Variants in AXL observed in about 807,000 individuals in gnomAD.
AXL encodes the protein AXL receptor tyrosine kinase, also known as tyrosine-protein kinase receptor UFO.
In AXL, 52 loss-of-function variants were observed where a neutral mutation model predicts 104.5. That is an observed-to-expected ratio of 0.50 (90% confidence interval 0.40 to 0.63). AXL has a LOEUF of 0.63. AXL is among the 20% of genes least tolerant of loss of function. The pLI is 0.00. For synonymous variants in AXL, 455 were observed against 473.7 expected (o/e 0.96, Z 0.51); for missense variants, 1,024 against 1,188.5 (o/e 0.86, Z 2.04).
At chr19:41,251,638 G>T (rs1801668953) in intron 14 of AXL, among the ~76,000 whole-genome samples, 1 of 151,546 alleles carries the variant, frequency 6.6e-6, no homozygotes, top group South Asian at 2.1e-4. Flanking sequence ...AAGCCTAGGA[G>T]TTCGAGCCTA....
intron 8 of AXL, 23 bp from the exon 9 acceptor site, chr19:41,239,141 G>A (rs760079830): frequency 1.9e-6 from 3 of 1,612,600 alleles, no homozygotes; most frequent in Non-Finnish European, 2.5e-6. Context: ...GTTCTACCCT[G>A]ATGCCACTTC....
chr19:41,230,938 T>C, intron 4 of AXL, 29 bp from the exon 5 acceptor site: 7 of 1,609,076 alleles, frequency 4.4e-6, no homozygotes, highest in African/African-American at 1.3e-5. Flanking sequence ...CTCTCTGATA[T>C]TGGACCCTTC....
At chr19:41,220,032 T>C (rs1453944967) in intron 1 of AXL, among the ~76,000 whole-genome samples, 1 of 151,954 alleles carries the variant, frequency 6.6e-6, no homozygotes, top group African/African-American at 2.4e-5. Flanking sequence ...TCTCTCTCTT[T>C]CACAGTCTCT....
At chr19:41,255,202 T>C (rs951078491) in intron 17 of AXL, among the ~76,000 whole-genome samples, 2 of 152,218 alleles carry the variant, frequency 1.3e-5, no homozygotes, top group African/African-American at 4.8e-5. Context: ...ATGATGTTTT[T>C]GAGATGGATC....
intron 1 of AXL, 132 bp from the exon 2 acceptor site, chr19:41,220,504 C>A (rs1186093706): frequency 4.1e-6 from 3 of 724,100 alleles, no homozygotes; most frequent in Admixed American, 5.8e-5. Context: ...ACTCTGAGGT[C>A]ACTCTGCAAC....
At chr19:41,227,536 A>C (rs1053855720) in intron 4 of AXL, among the ~76,000 whole-genome samples, 3 of 143,684 alleles carry the variant, frequency 2.1e-5, no homozygotes, top group Non-Finnish European at 4.5e-5. Flanking sequence ...CCCAGGCTGG[A>C]GTGCAGTGTG....
intron 6 of AXL, among the ~76,000 whole-genome samples, chr19:41,233,704 GC>G (rs560555253): frequency 4.1e-5 from 6 of 147,220 alleles, no homozygotes; most frequent in Admixed American, 6.7e-5. Context: ...CCAGAGAGGG[GC>G]CCCCTCTCTG....
At chr19:41,235,422 A>G (rs1014525575) in intron 6 of AXL, among the ~76,000 whole-genome samples, 2 of 151,538 alleles carry the variant, frequency 1.3e-5, no homozygotes, top group African/African-American at 4.8e-5. Flanking sequence ...AATAAATGAC[A>G]GTATGCACAA....
chr19:41,235,745 T>C (rs2034068407), intron 6 of AXL, among the ~76,000 whole-genome samples: 2 of 152,342 alleles, frequency 1.3e-5, no homozygotes, highest in South Asian at 2.1e-4. Context: ...ATTCCGTCTC[T>C]CTGGGCCTCA....
At chr19:41,248,462 C>T in intron 12 of AXL, 52 bp from the exon 13 acceptor site, 2 of 1,559,576 alleles carry the variant, frequency 1.3e-6, no homozygotes, top group Admixed American at 3.3e-5. Flanking sequence ...GTGAATGTCA[C>T]CTGAATGTCA....
intron 6 of AXL, among the ~76,000 whole-genome samples, chr19:41,235,604 C>T (rs1162690614): frequency 6.6e-6 from 1 of 152,138 alleles, no homozygotes; most frequent in Non-Finnish European, 1.5e-5. Flanking sequence ...GCTAAACTGC[C>T]TCTGTGCACA....
At chr19:41,245,713 CAAAAAAAA>C (rs371879527) in intron 12 of AXL, among the ~76,000 whole-genome samples, 2 of 62,932 alleles carry the variant, frequency 3.2e-5, no homozygotes, top group African/African-American at 1.1e-4. Flanking sequence ...GACACCGTCT[CAAAAAAAA>C]AAAAAAAAAA....
At chr19:41,258,477 A>G (rs1385359904) in intron 19 of AXL, among the ~76,000 whole-genome samples, 1 of 152,176 alleles carries the variant, frequency 6.6e-6, no homozygotes, top group Non-Finnish European at 1.5e-5. Context: ...CTGGAGCACA[A>G]TGGCTCCATC....
Position 41,237,825 on chromosome 19 carries a change from AAC to A in AXL, c.784-112_784-111del. 3.3e-6 allele frequency: 3 copies of A among 914,306 alleles called. No individual in the cohort carries two copies. The South Asian group carries it at 4.2e-5, about 13-fold the overall frequency. 56.6% of individuals were successfully genotyped at this position (914,306 alleles called of 1,614,324 possible). On this transcript the variant is annotated intron_variant, in intron 6 of 19. Transcript: ENST00000301178. ...CCGTGTTATCCTAGCATGGCACTGC[AAC>A]ACACACGCACCCTTGAAAAGTTGTG...
chr19:41,251,354 G>C lies in AXL; in HGVS notation c.1712-997G>C, dbSNP rs149231047. On this transcript the variant is annotated intron_variant, in intron 14 of 19. Transcript: ENST00000301178. ...AGGCAGGCAGATCACTTGAGGTGGG[G>C]AGTTTGAGACCAGCCTGGCCAACAT... 1.5e-3 allele frequency among the ~76,000 whole-genome samples: 226 copies of C among 152,170 alleles called. 1 individual carries two copies. Among genetic ancestry groups the C allele is most frequent in the African/African-American group, 5.2e-3 (216 of 41,516 alleles).
At chr19:41,254,062 C>T (rs149314130) in intron 17 of AXL, among the ~76,000 whole-genome samples, 14 of 151,758 alleles carry the variant, frequency 9.2e-5, no homozygotes, top group African/African-American at 2.9e-4. Flanking sequence ...CCTTTGGAAG[C>T]GGCCACACTG....
intron 12 of AXL, among the ~76,000 whole-genome samples, chr19:41,244,932 CTA>C (rs1568415386): frequency 7.4e-6 from 1 of 134,260 alleles, no homozygotes; most frequent in African/African-American, 3.2e-5. Context: ...GAAGTCTATA[CTA>C]TTTTTTTTTT....
chr19:41,257,672 AC>A (rs2122293721), intron 19 of AXL, 43 bp downstream of exon 19: 2 of 1,610,548 alleles, frequency 1.2e-6, no homozygotes, highest in South Asian at 1.1e-5. Flanking sequence ...TTCATTCCAA[AC>A]CCCTGACTAC....
rs1485548177 is a variant in AXL, at chr19:41,237,961, T to C, written c.801T>C (p.Asp267=). The C allele has an allele frequency of 1.2e-6, 2 of 1,613,826 alleles. No individual in the cohort carries two copies. Among genetic ancestry groups the C allele is most frequent in the East Asian group, 2.2e-5 (1 of 44,854 alleles). ...CTCCTCAGGCTGTGCTGTCAGACGA[T>C]GGGATGGGCATCCAGGCGGGAGAAC... ...HCTLQAVLSD[D]GMGIQAGEPD... Residue 267 remains aspartate (D), a synonymous_variant, in exon 7 of 20, where the codon GAT becomes GAC. Transcript: ENST00000301178.
Sources: allele counts gnomAD v4.1 joint callset (sites outside exome capture counted in the v4.1 genomes callset), GRCh38; gene constraint gnomAD v4.1.1; transcripts MANE v1.5; gene names NCBI Gene and HGNC (gene_info 2026-07-23, HGNC 2026-07-21).